POMGNT2: variants seen among roughly 807,000 people sequenced by gnomAD.
POMGNT2 encodes the protein protein O-linked-mannose beta-1,4-N-acetylglucosaminyltransferase 2.
Under a neutral mutation model 37.8 loss-of-function variants are expected in POMGNT2, and 32 were observed. The observed-to-expected ratio is 0.85, with a 90% confidence interval of 0.64 to 1.14. The LOEUF is 1.14. Among genes scored for constraint, POMGNT2 ranks in the 50% most tolerant of loss-of-function variants. The pLI is 0.00. For synonymous variants in POMGNT2, 340 were observed against 336.8 expected (o/e 1.01, Z -0.10); for missense variants, 705 against 780.6 (o/e 0.90, Z 1.15).
At chr3:43,100,653 T>C (rs2090011936) in intron 1 of POMGNT2, among the ~76,000 whole-genome samples, 1 of 152,226 alleles carries the variant, frequency 6.6e-6, no homozygotes, top group Non-Finnish European at 1.5e-5. Flanking sequence ...ATATTATTAT[T>C]AACATATGGT....
At chr3:43,102,141 G>A (rs928797582) in intron 1 of POMGNT2, among the ~76,000 whole-genome samples, 2 of 151,910 alleles carry the variant, frequency 1.3e-5, no homozygotes, top group Non-Finnish European at 2.9e-5. Flanking sequence ...GAAGCTCTGG[G>A]ACCCAGCACA....
chr3:43,102,116 T>C (rs1258628160), intron 1 of POMGNT2, among the ~76,000 whole-genome samples: 1 of 151,570 alleles, frequency 6.6e-6, no homozygotes, highest in African/African-American at 2.4e-5. Context: ...CAATGGCTAC[T>C]GTGTGACTCT....
In POMGNT2 at chr3:43,080,029, C is replaced by T. The variant is rs148292398; in HGVS notation, c.1403G>A (p.Arg468Gln). ...IQTIRRVVKG[R>Q]PGPRKQKWTV... ...CCACTTCTGCTTCCGTGGTCCTGGC[C>T]GGCCCTTCACCACGCGCCGTATGGT... The change falls in exon 2 of 2, where the codon CGG becomes CAG. Residue 468 changes from arginine (R) to glutamine (Q), a missense_variant. Coordinates refer to ENST00000344697, the MANE Select transcript of POMGNT2 (RefSeq NM_032806.6). 9 of 1,613,762 alleles carry T rather than the reference C, an allele frequency of 5.6e-6. No homozygotes were observed. The highest frequency in any genetic ancestry group is 3.3e-5 in the Admixed American group (2 of 60,010).
In POMGNT2 at chr3:43,084,867, GT is replaced by G. The variant is rs2089883482; in HGVS notation, c.-105-3332del. Among the ~76,000 whole-genome samples the G allele has an allele frequency of 3.9e-5, 6 of 152,038 alleles. No homozygotes were observed. The South Asian group carries it at 1.2e-3, about 32-fold the overall frequency. On this transcript the variant is annotated intron_variant, in intron 1 of 1. Transcript: ENST00000344697. ...TTTTCATATCTAAAATTTCCATTTAGTTTTTATAACTTCTTTTTTTTTGCTA... is the reference window on the plus strand; with the variant it reads ...TTTTCATATCTAAAATTTCCATTTAGTTTTATAACTTCTTTTTTTTTGCTA...
chr3:43,103,334 T>A (rs1403508461), intron 1 of POMGNT2, among the ~76,000 whole-genome samples: 1 of 152,064 alleles, frequency 6.6e-6, no homozygotes, highest in African/African-American at 2.4e-5. Context: ...AAGATAAGGC[T>A]CAGAGAATTA....
rs751061179 is a variant in POMGNT2, at chr3:43,106,037, C to T, written c.-307G>A. 4.0e-5 allele frequency: 6 copies of T among 151,558 alleles called. No homozygotes were observed. The highest frequency in any genetic ancestry group is 8.8e-5 in the Non-Finnish European group (6 of 67,898). The allele number at this position is 151,558 out of a possible 1,614,324, so 9.4% of individuals were successfully genotyped here. ...CCACCTCCAGGCTCGCAGGTGTCCGCCGTGCGCCTGCCCGGCGGGCGAGCC... is the reference window on the plus strand; with the variant it reads ...CCACCTCCAGGCTCGCAGGTGTCCGTCGTGCGCCTGCCCGGCGGGCGAGCC... On this transcript the variant is annotated 5_prime_UTR_variant, in exon 1 of 2. Coordinates refer to ENST00000344697, the MANE Select transcript of POMGNT2 (RefSeq NM_032806.6).
At chr3:43,085,229 G>A (rs947485895) in intron 1 of POMGNT2, among the ~76,000 whole-genome samples, 6 of 152,166 alleles carry the variant, frequency 3.9e-5, no homozygotes, top group African/African-American at 1.4e-4. Context: ...CTAGGCGGTC[G>A]TGAAAGTCTA....
chr3:43,082,411 T>C (rs1046442988), intron 1 of POMGNT2, among the ~76,000 whole-genome samples: 1 of 152,192 alleles, frequency 6.6e-6, no homozygotes, highest in African/African-American at 2.4e-5. Context: ...ACTTGTCCCC[T>C]CAGTGGTAAG....
At chr3:43,084,461 TG>T (rs2089880057) in intron 1 of POMGNT2, among the ~76,000 whole-genome samples, 1 of 152,032 alleles carries the variant, frequency 6.6e-6, no homozygotes, top group Admixed American at 6.5e-5. Flanking sequence ...CTGGCTAACA[TG>T]GTGAAACCCC....
chr3:43,092,564 T>C (rs1331896489), intron 1 of POMGNT2, among the ~76,000 whole-genome samples: 1 of 152,150 alleles, frequency 6.6e-6, no homozygotes, highest in Non-Finnish European at 1.5e-5. Flanking sequence ...TCCCAAAGTG[T>C]TGGAATTACA....
rs775667995 is a variant in POMGNT2, at chr3:43,080,161, C to T, written c.1271G>A (p.Arg424His). ...ITHLDRAEQA[R>H]ILQSREVPRH... The stretch of plus-strand genomic sequence containing the variant: ...TGGGACCTCACGGCTTTGCAGGATA[C>T]GGGCTTGCTCAGCCCGGTCCAGATG... Residue 424 changes from arginine to histidine, a missense_variant, in exon 2 of 2, where the codon CGT becomes CAT. Transcript: ENST00000344697. 63 of 1,613,770 alleles carry T rather than the reference C, an allele frequency of 3.9e-5. No homozygotes were observed. The highest frequency in any genetic ancestry group is 6.7e-5 in the Admixed American group (4 of 60,004).
intron 1 of POMGNT2, among the ~76,000 whole-genome samples, chr3:43,094,964 A>G (rs942987147): frequency 1.3e-5 from 2 of 152,212 alleles, no homozygotes; most frequent in African/African-American, 4.8e-5. Flanking sequence ...CTGCAGTCAG[A>G]TCTGGCTGGC....
chr3:43,080,337 G>A lies in POMGNT2; in HGVS notation c.1095C>T (p.Phe365=), dbSNP rs762290922. The change falls in exon 2 of 2, where the codon TTC becomes TTT. Residue 365 remains phenylalanine, a synonymous_variant. Coordinates refer to ENST00000344697, the MANE Select transcript of POMGNT2 (RefSeq NM_032806.6). The part of the protein sequence containing the change: ...LPRGATVVEL[F]PYAVNPDHYT... ...AGTGGTCGGGATTGACAGCATATGG[G>A]AAGAGCTCTACCACAGTTGCCCCAC... The A allele has an allele frequency of 6.2e-7, 1 of 1,614,164 alleles. No homozygotes were observed. The highest frequency in any genetic ancestry group is 1.1e-5 in the South Asian group (1 of 91,084).
At chr3:43,082,147 T>C (rs1461370223) in intron 1 of POMGNT2, among the ~76,000 whole-genome samples, 1 of 152,212 alleles carries the variant, frequency 6.6e-6, no homozygotes, top group Non-Finnish European at 1.5e-5. Context: ...AGAGAGGCCA[T>C]AGGAAAGACA....
intron 1 of POMGNT2, among the ~76,000 whole-genome samples, chr3:43,092,980 G>C (rs150806479): frequency 3.0e-4 from 45 of 152,318 alleles, no homozygotes; most frequent in African/African-American, 1.0e-3. Flanking sequence ...AGAAGCTAAA[G>C]CCAAAACAGA....
chr3:43,083,595 T>C (rs1559415876), intron 1 of POMGNT2, among the ~76,000 whole-genome samples: 1 of 152,252 alleles, frequency 6.6e-6, no homozygotes, highest in Admixed American at 6.5e-5. Context: ...CATACTATAA[T>C]CTGTAACTTA....
At chr3:43,101,448 T>C (rs181132721) in intron 1 of POMGNT2, among the ~76,000 whole-genome samples, 48 of 152,282 alleles carry the variant, frequency 3.2e-4, no homozygotes, top group African/African-American at 1.1e-3. Flanking sequence ...GGGCTGGCCA[T>C]GGTGTCTTCC....
Position 43,098,699 on chromosome 3 carries a change from G to A in POMGNT2, c.-106+7137C>T, listed in dbSNP as rs576654024. 3.9e-4 allele frequency among the ~76,000 whole-genome samples: 59 copies of A among 152,160 alleles called. 1 individual carries two copies. The highest frequency in any genetic ancestry group is 6.8e-4 in the Non-Finnish European group (46 of 68,028). ...TCCACCATCAATAGCTGATGACTGT[G>A]ACTATATTGCCTTATCAATAGAAAA... On this transcript the variant is annotated intron_variant, in intron 1 of 1. Coordinates refer to ENST00000344697, the MANE Select transcript of POMGNT2 (RefSeq NM_032806.6). The surrounding 1 kb of genome is among the most constrained non-coding windows in gnomAD (Gnocchi z 4.3).
intron 1 of POMGNT2, 108 bp from the exon 2 acceptor site, chr3:43,081,644 C>T (rs2089857715): frequency 3.5e-6 from 2 of 567,278 alleles, no homozygotes; most frequent in Non-Finnish European, 6.2e-6. Flanking sequence ...GTGCCCGCTA[C>T]AGCACTGGAT....
Sources: allele counts gnomAD v4.1 joint callset (sites outside exome capture counted in the v4.1 genomes callset), GRCh38; gene constraint gnomAD v4.1.1; non-coding constraint Gnocchi (gnomAD v3.1); transcripts MANE v1.5; gene names NCBI Gene and HGNC (gene_info 2026-07-23, HGNC 2026-07-21).